RAB11FIP5: variants seen among roughly 807,000 people sequenced by gnomAD.
RAB11FIP5 encodes the protein RAB11 family interacting protein 5, also known as rab11 family-interacting protein 5.
RAB11FIP5 carries 48 observed loss-of-function variants against 85.1 expected under a neutral mutation model. The ratio of observed to expected loss-of-function variants is 0.56; its 90% CI spans 0.45 to 0.72. RAB11FIP5 has a LOEUF of 0.72. Ranked by LOEUF, RAB11FIP5 falls within the 30% of genes least tolerant of loss-of-function variation. The probability of loss-of-function intolerance (pLI) is 0.00; values close to 1 mark genes in which losing one functional copy is unlikely to be tolerated. For missense variants in RAB11FIP5, 1,491 were observed against 1,687.0 expected (o/e 0.88, Z 2.04); for synonymous variants, 729 against 727.3 (o/e 1.00, Z -0.04).
intron 1 of RAB11FIP5, among the ~76,000 whole-genome samples, chr2:73,099,905 C>T (rs1558522699): frequency 6.6e-6 from 1 of 152,168 alleles, no homozygotes; most frequent in African/African-American, 2.4e-5. Context: ...CAGCTACTAC[C>T]ACCCTGGGGA....
Position 73,075,330 on chromosome 2 carries a change from C to CAGAACCTGATGCCTCCTT in RAB11FIP5, c.*190_*191insAAGGAGGCATCAGGTTCT. On this transcript the variant is annotated 3_prime_UTR_variant, in exon 6 of 6. Coordinates refer to ENST00000486777, the MANE Select transcript of RAB11FIP5 (RefSeq NM_001371272.1). This position sits in a 1 kb window ranked among gnomAD's most constrained non-coding sequence, Gnocchi z 4.6. ...CTCCCAAAGACACACAAGTTGTGCA[C>CAGAACCTGATGCCTCCTT]AGAACCTGATGCCTCCAAAGGGAAT... 1.4e-6 allele frequency: 1 copy of CAGAACCTGATGCCTCCTT among 716,314 alleles called. No homozygotes were observed. Among genetic ancestry groups the CAGAACCTGATGCCTCCTT allele is most frequent in the Non-Finnish European group, 2.5e-6 (1 of 396,716 alleles). The allele number at this position is 716,314 out of a possible 1,614,324, so 44.4% of individuals were successfully genotyped here.
Position 73,078,817 on chromosome 2 carries a change from A to G in RAB11FIP5, c.3581+834T>C, listed in dbSNP as rs549977485. Reference sequence around the variant, plus strand: ...AGGGACTTGCTGCCTTCTAAGTCACACCCCATCACCTCCCAGTGCCCTGAG... The same window carrying G: ...AGGGACTTGCTGCCTTCTAAGTCACGCCCCATCACCTCCCAGTGCCCTGAG... On this transcript the variant is annotated intron_variant, in intron 4 of 5. Transcript: ENST00000486777. The surrounding 1 kb of genome is among the most constrained non-coding windows in gnomAD (Gnocchi z 4.4). Among the ~76,000 whole-genome samples the G allele has an allele frequency of 5.3e-5, 8 of 151,954 alleles. No homozygotes were observed. The South Asian group carries it at 1.5e-3, about 28-fold the overall frequency.
chr2:73,086,835 A>G lies in RAB11FIP5; in HGVS notation c.1568+1215T>C, dbSNP rs6546800. 0.34 allele frequency among the ~76,000 whole-genome samples: 51,884 copies of G among 151,956 alleles called. 10,990 individuals are homozygous for G. The highest frequency in any genetic ancestry group is 0.59 in the African/African-American group (24,263 of 41,382). On this transcript the variant is annotated intron_variant, in intron 3 of 5. Coordinates refer to ENST00000486777, the MANE Select transcript of RAB11FIP5 (RefSeq NM_001371272.1). This position sits in a 1 kb window ranked among gnomAD's most constrained non-coding sequence, Gnocchi z 4.4. ...GCTGCCATACCAAGCAAGGGAGGCA[A>G]GGGGTGGCATGCCCCTGAAACTGAT...
chr2:73,088,843 C>A, intron 2 of RAB11FIP5, 36 bp downstream of exon 2: 2 of 1,537,928 alleles, frequency 1.3e-6, no homozygotes, highest in South Asian at 1.3e-5. Context: ...GAGCCAGTGC[C>A]CCCCTCCCCA....
In RAB11FIP5 at chr2:73,096,331, G is replaced by A. The variant is rs575956780; in HGVS notation, c.432-7016C>T. On this transcript the variant is annotated intron_variant, in intron 1 of 5. Transcript: ENST00000486777. ...CATCCAGCATAACTGGGGAGGTCCT[G>A]CACTCAGGGGAGAGCTGACCTGGGG... 2.0e-5 allele frequency among the ~76,000 whole-genome samples: 3 copies of A among 152,314 alleles called. No homozygotes were observed. The South Asian group carries it at 6.2e-4, about 32-fold the overall frequency.
At chr2:73,099,590 G>A (rs1225968379) in intron 1 of RAB11FIP5, among the ~76,000 whole-genome samples, 2 of 152,230 alleles carry the variant, frequency 1.3e-5, no homozygotes, top group East Asian at 1.9e-4. Context: ...GAAGCTGGCC[G>A]AAGGCCCTCA....
At chr2:73,101,295 C>G (rs1275197315) in intron 1 of RAB11FIP5, among the ~76,000 whole-genome samples, 1 of 151,752 alleles carries the variant, frequency 6.6e-6, no homozygotes, top group Non-Finnish European at 1.5e-5. Flanking sequence ...TAGCATGAAA[C>G]GGAGGGGCGG....
At chr2:73,108,478 C>A (rs1454615343) in intron 1 of RAB11FIP5, among the ~76,000 whole-genome samples, 1 of 152,224 alleles carries the variant, frequency 6.6e-6, no homozygotes, top group Non-Finnish European at 1.5e-5. Context: ...TTCCAGGGGG[C>A]AAAGACCAGG....
chr2:73,080,267 GC>G lies in RAB11FIP5; in HGVS notation c.2964del (p.Cys990AlafsTer50). 1 of 1,233,020 alleles carries G rather than the reference GC, an allele frequency of 8.1e-7. No individual in the cohort carries two copies. Among genetic ancestry groups the G allele is most frequent in the Non-Finnish European group, 1.0e-6 (1 of 988,714 alleles). The allele number at this position is 1,233,020 out of a possible 1,614,324, so 76.4% of individuals were successfully genotyped here. The stretch of plus-strand genomic sequence containing the variant: ...CAGCTGGCGGGTGCAGACAGGCAGG[GC>G]CCAGACACAGGGGGGCTGGCATCCT... The part of the protein sequence containing the change: ...LVEDASPPVS[G>X]PCLSAPASCP... On this transcript the variant is annotated frameshift_variant, in exon 4 of 6. Transcript: ENST00000486777. LOFTEE classifies it high-confidence loss of function.
chr2:73,112,900 G>T lies in RAB11FIP5; in HGVS notation c.-123C>A, dbSNP rs1684699734. ...TGAGCGCCGCCGCAGCTGCGGGCTG[G>T]GCTGGGCCGGGCCGACCGGCCGCCG... On this transcript the variant is annotated 5_prime_UTR_variant, in exon 1 of 6. Coordinates refer to ENST00000486777, the MANE Select transcript of RAB11FIP5 (RefSeq NM_001371272.1). 2.2e-6 allele frequency: 2 copies of T among 917,938 alleles called. No homozygotes were observed. The highest frequency in any genetic ancestry group is 1.7e-5 in the African/African-American group (1 of 57,470). 56.9% of individuals were successfully genotyped at this position (917,938 alleles called of 1,614,324 possible). A position where few individuals can be genotyped will look rare whatever the true frequency, so the allele number is the denominator to read the frequency against.
chr2:73,101,242 G>T (rs1317922387), intron 1 of RAB11FIP5, among the ~76,000 whole-genome samples: 1 of 152,038 alleles, frequency 6.6e-6, no homozygotes, highest in African/African-American at 2.4e-5. Context: ...GCTACAATGT[G>T]TGACAGTCTT....
In RAB11FIP5 at chr2:73,089,243, G is replaced by A. The variant is rs1184182934; in HGVS notation, c.504C>T (p.Phe168=). 2 of 1,614,178 alleles carry A rather than the reference G, an allele frequency of 1.2e-6. No individual in the cohort carries two copies. The highest frequency in any genetic ancestry group is 1.7e-6 in the Non-Finnish European group (2 of 1,180,016). Residue 168 remains phenylalanine (F), a synonymous_variant, in exon 2 of 6, where the codon TTC becomes TTT. Transcript: ENST00000486777. This position sits in a 1 kb window ranked among gnomAD's most constrained non-coding sequence, Gnocchi z 4.6. ...ERGEIEVTIQ[F]TRNNLSASMF... ...TACTGGCGCTCAGGTTGTTGCGCGTGAACTGGATGGTGACTTCAATCTCGC... is the reference window on the plus strand; with the variant it reads ...TACTGGCGCTCAGGTTGTTGCGCGTAAACTGGATGGTGACTTCAATCTCGC...
Position 73,112,339 on chromosome 2 carries a change from C to G in RAB11FIP5, c.431+8G>C, listed in dbSNP as rs1391231364. On this transcript the variant is annotated splice_region_variant and intron_variant, in intron 1 of 5. Coordinates refer to ENST00000486777, the MANE Select transcript of RAB11FIP5 (RefSeq NM_001371272.1). Reference sequence around the variant, plus strand: ...AGCCGTTTCTGTGCCCCCGCGCCCCCTACTCACTGCGTGTGCTGGGCGCGG... The same window carrying G: ...AGCCGTTTCTGTGCCCCCGCGCCCCGTACTCACTGCGTGTGCTGGGCGCGG... 1 of 1,574,600 alleles carries G rather than the reference C, an allele frequency of 6.4e-7. No homozygotes were observed. Among genetic ancestry groups the G allele is most frequent in the Admixed American group, 1.8e-5 (1 of 55,030 alleles).
chr2:73,075,957 T>G lies in RAB11FIP5; in HGVS notation c.3771+36A>C. ...CAAGCCCTGAGACTCCACCACACAT[T>G]CTGTCAGATGGCCCCCACACCCTGC... On this transcript the variant is annotated intron_variant, in intron 5 of 5. Transcript: ENST00000486777. The surrounding 1 kb of genome is among the most constrained non-coding windows in gnomAD (Gnocchi z 4.6). 2 of 1,588,076 alleles carry G rather than the reference T, an allele frequency of 1.3e-6. No individual in the cohort carries two copies. Among genetic ancestry groups the G allele is most frequent in the Middle Eastern group, 3.4e-4 (2 of 5,854 alleles).
In RAB11FIP5 at chr2:73,088,456, G is replaced by A. The variant is rs1684136456; in HGVS notation, c.1162C>T (p.Pro388Ser). 1.9e-6 allele frequency: 3 copies of A among 1,613,902 alleles called. No individual in the cohort carries two copies. The highest frequency in any genetic ancestry group is 2.2e-5 in the South Asian group (2 of 91,088). The change falls in exon 3 of 6, where the codon CCC (proline) becomes TCC (serine). Residue 388 changes from proline (P) to serine (S), a missense_variant. By Grantham distance (74) the Pro-to-Ser change is moderately conservative. Coordinates refer to ENST00000486777, the MANE Select transcript of RAB11FIP5 (RefSeq NM_001371272.1). The part of the protein sequence containing the change: ...EGPRSTDDTW[P>S]RGSRSNSSSE... ...CTGCTGTTGCTACGACTGCCTCTGGGCCAGGTGTCATCTGTGGAACGAGGC... is the reference window on the plus strand; with the variant it reads ...CTGCTGTTGCTACGACTGCCTCTGGACCAGGTGTCATCTGTGGAACGAGGC...
chr2:73,075,525 T>C lies in RAB11FIP5; in HGVS notation c.3971A>G (p.Lys1324Arg). ...TLLQIPPGPP[K>R] is the part of the protein sequence containing the mutation. ...CTGGGGGTAGGGTGAGGAAGGCTATTTGGGGGGGCCCGGGGGGATCTGCAG... is the reference window on the plus strand; with the variant it reads ...CTGGGGGTAGGGTGAGGAAGGCTATCTGGGGGGGCCCGGGGGGATCTGCAG... The change falls in exon 6 of 6, where the codon AAA (lysine) becomes AGA (arginine). Residue 1324 changes from lysine to arginine, a missense_variant. Lys to Arg is a conservative substitution (Grantham distance 26). Transcript: ENST00000486777. This position sits in a 1 kb window ranked among gnomAD's most constrained non-coding sequence, Gnocchi z 4.6. The C allele has an allele frequency of 1.2e-6, 2 of 1,613,928 alleles. No homozygotes were observed. Among genetic ancestry groups the C allele is most frequent in the Non-Finnish European group, 1.7e-6 (2 of 1,179,904 alleles).
chr2:73,108,375 C>A (rs1409601077), intron 1 of RAB11FIP5, among the ~76,000 whole-genome samples: 1 of 152,216 alleles, frequency 6.6e-6, no homozygotes, highest in African/African-American at 2.4e-5. Context: ...GGGACCATTT[C>A]ACCCTTATCA....
intron 3 of RAB11FIP5, among the ~76,000 whole-genome samples, chr2:73,087,567 C>G (rs1574296820): frequency 6.6e-6 from 1 of 152,096 alleles, no homozygotes; most frequent in African/African-American, 2.4e-5. Flanking sequence ...TATTTGACTC[C>G]CGTCTCCCAG....
rs72903418 is a variant in RAB11FIP5, at chr2:73,081,030, G to A, written c.2202C>T (p.Ser734=). Residue 734 remains serine (S), a synonymous_variant, in exon 4 of 6, where the codon AGC becomes AGT. Coordinates refer to ENST00000486777, the MANE Select transcript of RAB11FIP5 (RefSeq NM_001371272.1). This position sits in a 1 kb window ranked among gnomAD's most constrained non-coding sequence, Gnocchi z 4.2. ...VPLDLGPNHQ[S]ASAADPGLLG... is the part of the protein sequence containing the mutation. ...GGAGCCCTGGGTCAGCCGCGCTCGC[G>A]CTCTGGTGGTTCGGTCCCAAGTCCA... 0.017 allele frequency: 20,973 copies of A among 1,232,448 alleles called. 1,301 individuals carry two copies. The African/African-American group carries it at 0.19, about 11-fold the overall frequency. The allele number at this position is 1,232,448 out of a possible 1,614,324, so 76.3% of individuals were successfully genotyped here.
Sources: gnomAD v4.1 joint callset for allele counts (sites outside exome capture counted in the v4.1 genomes callset) on GRCh38, gnomAD v4.1.1 for gene constraint, Gnocchi (gnomAD v3.1) non-coding constraint, MANE v1.5 for transcripts, NCBI Gene and HGNC (gene_info 2026-07-23, HGNC 2026-07-21) for gene names.